The following ITFG1 variants were observed in gnomAD, a reference collection of about 807,000 sequenced individuals.
ITFG1 encodes the protein T-cell immunomodulatory protein.
Under a neutral mutation model 81.8 loss-of-function variants are expected in ITFG1, and 34 were observed. The observed-to-expected ratio is 0.42, with a 90% CI of 0.32 to 0.55. The LOEUF (loss-of-function observed/expected upper bound fraction) is 0.55, where lower values mean the gene tolerates loss of function less well. Among genes scored for constraint, ITFG1 ranks in the 20% least tolerant of loss-of-function variants. The pLI, the probability that ITFG1 is intolerant of heterozygous loss-of-function variation, is 0.17. For missense variants in ITFG1, 672 were observed against 755.4 expected, an observed-to-expected ratio of 0.89 and a Z score of 1.29; for synonymous variants, 285 against 270.6, an observed-to-expected ratio of 1.05 and a Z score of -0.52.
chr16:47,427,799 C>A (rs920574010), intron 6 of ITFG1, among the ~76,000 whole-genome samples: 1 of 152,176 alleles, frequency 6.6e-6, no homozygotes, highest in Non-Finnish European at 1.5e-5. Context: ...CGGAGAAAAT[C>A]TGGGCATTTT....
chr16:47,311,341 C>T lies in ITFG1; in HGVS notation c.969G>A (p.Gln323=), dbSNP rs1967257223. The change falls in exon 10 of 18, where the codon CAG becomes CAA. Residue 323 remains glutamine (Q), a synonymous_variant. Transcript: ENST00000320640. The stretch of plus-strand genomic sequence containing the variant: ...TTGGAATTGGTATTTCAGTTGGTTG[C>T]TGTTCATCCACAAATGGCACAAAGC... ...LWGFVPFVDE[Q]QPTEIPIPIT... 3.7e-6 allele frequency: 6 copies of T among 1,613,710 alleles called. No homozygotes were observed. The highest frequency in any genetic ancestry group is 5.1e-6 in the Non-Finnish European group (6 of 1,179,654).
intron 7 of ITFG1, among the ~76,000 whole-genome samples, chr16:47,367,174 G>A (rs1362148177): frequency 2.6e-5 from 4 of 152,202 alleles, no homozygotes; most frequent in Non-Finnish European, 4.4e-5. Context: ...AGATGAGTAG[G>A]GCGAGGTACG....
Position 47,459,046 on chromosome 16 carries a change from T to A in ITFG1, c.281+57A>T. ...TAAAGACAACCAATCAGCTACTGCA[T>A]ATCCATTATTATATTAATGACTAAA... On this transcript the variant is annotated intron_variant, in intron 2 of 17. Transcript: ENST00000320640. 2.9e-6 allele frequency: 3 copies of A among 1,029,762 alleles called. No homozygotes were observed. The South Asian group carries it at 3.9e-5, about 13-fold the overall frequency. The allele number at this position is 1,029,762 out of a possible 1,614,324, so 63.8% of individuals were successfully genotyped here.
chr16:47,347,994 GAGGGTCCAGAATGTTAA>G (rs1373986423), intron 8 of ITFG1, among the ~76,000 whole-genome samples: 1 of 152,224 alleles, frequency 6.6e-6, no homozygotes, highest in Non-Finnish European at 1.5e-5. Context: ...ACCTGCAGCT[GAGGGTCCAGAATGTTAA>G]AGGGAAAACT....
In ITFG1 at chr16:47,301,541, C is replaced by T. The variant is rs777251982; in HGVS notation, c.1070+9699G>A. ...CCTCCCGAGTAGGTGGGACTACAGG[C>T]GCCTGCCACCATGCCAGCTAATTTT... On this transcript the variant is annotated intron_variant, in intron 10 of 17. Coordinates refer to ENST00000320640, the MANE Select transcript of ITFG1 (RefSeq NM_030790.5). Among the ~76,000 whole-genome samples the T allele has an allele frequency of 4.6e-5, 7 of 151,914 alleles. No homozygotes were observed. In the South Asian group the frequency reaches 6.2e-4, roughly 13 times the overall value.
intron 17 of ITFG1, among the ~76,000 whole-genome samples, chr16:47,157,110 G>A (rs1964723958): frequency 6.6e-6 from 1 of 152,186 alleles, no homozygotes; most frequent in South Asian, 2.1e-4. Context: ...ATGAAATCTT[G>A]TAGGTTAAGT....
intron 10 of ITFG1, among the ~76,000 whole-genome samples, chr16:47,271,745 G>A (rs947148820): frequency 1.3e-5 from 2 of 152,170 alleles, no homozygotes; most frequent in Non-Finnish European, 2.9e-5. Flanking sequence ...TGTAGTCCCA[G>A]CTACTTGGGA....
intron 14 of ITFG1, among the ~76,000 whole-genome samples, chr16:47,165,677 C>A (rs1234515640): frequency 1.3e-5 from 2 of 152,166 alleles, no homozygotes; most frequent in African/African-American, 4.8e-5. Flanking sequence ...GAAGCCCCAC[C>A]TCTACAAAAA....
At chr16:47,392,388 C>CA (rs1246517541) in intron 6 of ITFG1, among the ~76,000 whole-genome samples, 2 of 152,146 alleles carry the variant, frequency 1.3e-5, no homozygotes, top group Admixed American at 1.3e-4. Context: ...CTGGAGGTGA[C>CA]AGTGTGTCTC....
chr16:47,181,555 G>A (rs1168761961), intron 14 of ITFG1, among the ~76,000 whole-genome samples: 2 of 145,880 alleles, frequency 1.4e-5, no homozygotes, highest in Non-Finnish European at 3.0e-5. Context: ...GGGAGGTGGG[G>A]GGGGGTCAGC....
chr16:47,439,710 G>A (rs562088891), intron 5 of ITFG1, among the ~76,000 whole-genome samples: 18 of 152,218 alleles, frequency 1.2e-4, no homozygotes, highest in Non-Finnish European at 2.5e-4. Flanking sequence ...AGGAACAACC[G>A]GTATCAGCCA....
At position 47,240,955 on chromosome 16, in the gene ITFG1, T is replaced by A. The variant is rs148237819; in HGVS notation, c.1331-2947A>T. On this transcript the variant is annotated intron_variant, in intron 12 of 17. Coordinates refer to ENST00000320640, the MANE Select transcript of ITFG1 (RefSeq NM_030790.5). ...AAGAAGAAAAAGTTCTGGAGATGTG[T>A]TTCACAACAATGCAAATATACATAA... Among the ~76,000 whole-genome samples, 1,141 of 152,218 alleles carry A rather than the reference T, an allele frequency of 7.5e-3. 19 individuals carry two copies. The highest frequency in any genetic ancestry group is 0.026 in the African/African-American group (1,082 of 41,534).
chr16:47,182,674 A>G (rs930545751), intron 14 of ITFG1, among the ~76,000 whole-genome samples: 1 of 152,266 alleles, frequency 6.6e-6, no homozygotes, highest in East Asian at 1.9e-4. Flanking sequence ...AAACAGTATC[A>G]TCTACTGCAT....
chr16:47,171,805 AAAG>A (rs368325505), intron 14 of ITFG1, among the ~76,000 whole-genome samples: 58 of 152,342 alleles, frequency 3.8e-4, no homozygotes, highest in African/African-American at 1.3e-3. Flanking sequence ...CCATTCATGC[AAAG>A]TAGTGGCTGG....
chr16:47,352,073 G>A (rs958024815), intron 8 of ITFG1, among the ~76,000 whole-genome samples: 5 of 152,104 alleles, frequency 3.3e-5, no homozygotes, highest in African/African-American at 1.2e-4. Context: ...ATGGACTAAA[G>A]ACTTAAATGT....
chr16:47,325,633 A>T (rs1003317511), intron 8 of ITFG1, among the ~76,000 whole-genome samples: 10 of 152,202 alleles, frequency 6.6e-5, no homozygotes, highest in African/African-American at 2.4e-4. Flanking sequence ...AAAAAATGAT[A>T]AAGGGGATAT....
chr16:47,365,291 T>C (rs944030835), intron 8 of ITFG1, among the ~76,000 whole-genome samples: 10 of 152,222 alleles, frequency 6.6e-5, no homozygotes, highest in African/African-American at 2.4e-4. Flanking sequence ...TGGAAGTTCC[T>C]GACCAATGTG....
chr16:47,362,666 C>G (rs1440296882), intron 8 of ITFG1, among the ~76,000 whole-genome samples: 1 of 152,200 alleles, frequency 6.6e-6, no homozygotes, highest in East Asian at 1.9e-4. Context: ...AGTACAAAAT[C>G]TCACCACTTC....
intron 6 of ITFG1, among the ~76,000 whole-genome samples, chr16:47,387,744 C>T (rs376550792): frequency 6.6e-5 from 10 of 152,258 alleles, no homozygotes; most frequent in African/African-American, 2.4e-4. Context: ...ACTGTGCATA[C>T]TTTTTCTGTG....
Sources: allele counts gnomAD v4.1 joint callset (sites outside exome capture counted in the v4.1 genomes callset), GRCh38; gene constraint gnomAD v4.1.1; transcripts MANE v1.5; gene names NCBI Gene and HGNC (gene_info 2026-07-23, HGNC 2026-07-21).